The following SFMBT1 variants were observed in gnomAD, a reference collection of about 807,000 sequenced individuals.
SFMBT1 encodes the protein scm-like with four MBT domains protein 1.
SFMBT1 carries 32 observed loss-of-function variants against 108.7 expected under a neutral mutation model. That is an observed-to-expected ratio of 0.29 (90% CI 0.22 to 0.40). The LOEUF (loss-of-function observed/expected upper bound fraction) is 0.40, where lower values mean the gene tolerates loss of function less well. Among genes scored for constraint, SFMBT1 ranks in the 10% least tolerant of loss-of-function variants. The pLI is 1.00. For synonymous variants in SFMBT1, 348 were observed against 369.5 expected (o/e 0.94, Z 0.67); for missense variants, 816 against 1,059.6 (o/e 0.77, Z 3.19).
At chr3:53,026,723 G>A (rs1037780767) in intron 1 of SFMBT1, among the ~76,000 whole-genome samples, 1 of 152,196 alleles carries the variant, frequency 6.6e-6, no homozygotes. Flanking sequence ...AAAAGGAAGA[G>A]CTGGCAAGAA....
At chr3:53,002,743 G>T (rs1698602256) in intron 1 of SFMBT1, among the ~76,000 whole-genome samples, 1 of 150,210 alleles carries the variant, frequency 6.7e-6, no homozygotes. Flanking sequence ...CTTGAAGCAG[G>T]AATTTTCAAA....
chr3:52,941,091 A>G (rs1471677895), intron 4 of SFMBT1, among the ~76,000 whole-genome samples: 1 of 152,224 alleles, frequency 6.6e-6, no homozygotes, highest in African/African-American at 2.4e-5. Flanking sequence ...GTGATTCTAG[A>G]CAGGAATCTT....
chr3:53,004,247 TTCTTCTTTCTCTCTCTC>T (rs1698661582), intron 1 of SFMBT1, among the ~76,000 whole-genome samples: 1 of 107,680 alleles, frequency 9.3e-6, no homozygotes, highest in Admixed American at 9.9e-5. Flanking sequence ...CTTCCCTTCT[TTCTTCTTTCTCTCTCTC>T]TCTCTCTCTC....
rs754272523 is a variant in SFMBT1, at chr3:52,906,274, G to A, written c.2332-33C>T. The A allele has an allele frequency of 2.7e-5, 44 of 1,613,124 alleles. 1 individual carries two copies. In the South Asian group the frequency reaches 4.6e-4, roughly 17 times the overall value. ...CCCCACAACACAATCAAACCAAATG[G>A]TGTTACGGCTATTTTATTCTAAAAA... On this transcript the variant is annotated intron_variant, in intron 19 of 20. Transcript: ENST00000394752.
intron 1 of SFMBT1, among the ~76,000 whole-genome samples, chr3:53,012,504 G>C (rs897703839): frequency 6.6e-6 from 1 of 151,736 alleles, no homozygotes; most frequent in Non-Finnish European, 1.5e-5. Flanking sequence ...CCGGATTCAC[G>C]CCATTCTCCT....
In SFMBT1 at chr3:52,982,683, C is replaced by T. The variant is rs143608875; in HGVS notation, c.-130-13425G>A. Among the ~76,000 whole-genome samples the T allele has an allele frequency of 0.013, 1,759 of 138,204 alleles. 115 individuals are homozygous for T. The South Asian group carries it at 0.18, about 14-fold the overall frequency. The allele number at this position is 138,204 out of a possible 152,430, so 90.7% of individuals were successfully genotyped here. On this transcript the variant is annotated intron_variant, in intron 1 of 20. Coordinates refer to ENST00000394752, the MANE Select transcript of SFMBT1 (RefSeq NM_016329.4). Reference sequence around the variant, plus strand: ...GGCGGAGGTTGAAGTAAGCTGAGATCGCGGCACTGCACTCCAGCCTGGGCG... The same window carrying T: ...GGCGGAGGTTGAAGTAAGCTGAGATTGCGGCACTGCACTCCAGCCTGGGCG...
intron 3 of SFMBT1, among the ~76,000 whole-genome samples, chr3:52,944,596 C>G (rs1040388942): frequency 6.6e-6 from 1 of 151,936 alleles, no homozygotes; most frequent in Non-Finnish European, 1.5e-5. Flanking sequence ...CTCGGCTTAC[C>G]GCAACCTCTG....
At chr3:52,964,815 T>G (rs1021483913) in intron 2 of SFMBT1, among the ~76,000 whole-genome samples, 6 of 152,180 alleles carry the variant, frequency 3.9e-5, no homozygotes, top group African/African-American at 1.4e-4. Flanking sequence ...AAACAACTCT[T>G]GCTGCTCTAG....
intron 1 of SFMBT1, among the ~76,000 whole-genome samples, chr3:52,985,948 G>T (rs34561018): frequency 0.066 from 10,033 of 152,156 alleles, 414 homozygotes; most frequent in Non-Finnish European, 0.097. Flanking sequence ...TTTGAGACCA[G>T]CCTGGCCAAC....
intron 1 of SFMBT1, among the ~76,000 whole-genome samples, chr3:53,014,923 T>C (rs989260289): frequency 6.6e-6 from 1 of 152,104 alleles, no homozygotes; most frequent in South Asian, 2.1e-4. Flanking sequence ...GTTTGAGTTA[T>C]ATAAAAAGTA....
chr3:53,027,815 T>C (rs1425411363), intron 1 of SFMBT1, among the ~76,000 whole-genome samples: 1 of 152,220 alleles, frequency 6.6e-6, no homozygotes, highest in Non-Finnish European at 1.5e-5. Context: ...AAACATGCCT[T>C]TAAGCCATTG....
chr3:53,021,990 C>T (rs981878707), intron 1 of SFMBT1, among the ~76,000 whole-genome samples: 1 of 152,102 alleles, frequency 6.6e-6, no homozygotes, highest in African/African-American at 2.4e-5. Flanking sequence ...CAACCCCACC[C>T]AATAAAGTTT....
chr3:52,962,770 G>GCACTA, intron 2 of SFMBT1, among the ~76,000 whole-genome samples: 1 of 131,276 alleles, frequency 7.6e-6, no homozygotes, highest in African/African-American at 2.9e-5. Flanking sequence ...TTGTGCCACT[G>GCACTA]CACTACAGCC....
chr3:53,032,996 C>T (rs1265880863), intron 1 of SFMBT1, among the ~76,000 whole-genome samples: 3 of 152,094 alleles, frequency 2.0e-5, no homozygotes, highest in Non-Finnish European at 4.4e-5. Flanking sequence ...TTGGGGCCTA[C>T]CAAAGACTCT....
chr3:52,997,552 G>C (rs1698383416), intron 1 of SFMBT1, among the ~76,000 whole-genome samples: 1 of 149,198 alleles, frequency 6.7e-6, no homozygotes, highest in Admixed American at 6.8e-5. Context: ...AAAAAGAAAA[G>C]GAATTATTCT....
At chr3:52,955,696 A>G (rs1249004958) in intron 2 of SFMBT1, among the ~76,000 whole-genome samples, 3 of 152,222 alleles carry the variant, frequency 2.0e-5, no homozygotes, top group Non-Finnish European at 4.4e-5. Context: ...GAGTTCTCAA[A>G]TTGAGGCAGT....
chr3:52,908,785 G>C (rs1702143364), intron 17 of SFMBT1, among the ~76,000 whole-genome samples: 2 of 151,950 alleles, frequency 1.3e-5, no homozygotes, highest in Non-Finnish European at 1.5e-5. Context: ...TGGTCAGGCT[G>C]GTCTTGAACT....
intron 3 of SFMBT1, among the ~76,000 whole-genome samples, chr3:52,946,451 G>C (rs2106820264): frequency 6.6e-6 from 1 of 152,306 alleles, no homozygotes; most frequent in East Asian, 1.9e-4. Flanking sequence ...AATATTTTTT[G>C]AGTGGAGCTT....
At chr3:52,928,641 TATATATATATATACAC>T (rs1702754951) in intron 8 of SFMBT1, 1 of 52,960 alleles carries the variant, frequency 1.9e-5, no homozygotes, top group South Asian at 1.3e-3. Context: ...TATATACATA[TATATATATATATACAC>T]ATATATACAT....
Sources: allele counts gnomAD v4.1 joint callset (sites outside exome capture counted in the v4.1 genomes callset), GRCh38; gene constraint gnomAD v4.1.1; transcripts MANE v1.5; gene names NCBI Gene and HGNC (gene_info 2026-07-23, HGNC 2026-07-21).